Variants in SLC24A2 observed in about 807,000 individuals in gnomAD.
SLC24A2 encodes sodium/potassium/calcium exchanger 2.
A neutral mutation model predicts 62.0 loss-of-function variants in SLC24A2; 36 were observed. The ratio of observed to expected loss-of-function variants is 0.58; its 90% confidence interval spans 0.44 to 0.77. The LOEUF is 0.77. SLC24A2 is among the 30% of genes least tolerant of loss of function. The pLI, the probability that SLC24A2 is intolerant of heterozygous loss-of-function variation, is 0.00. For synonymous variants in SLC24A2, 358 were observed against 294.0 expected (o/e 1.22, Z -2.23); for missense variants, 846 against 817.9 (o/e 1.03, Z -0.42).
chr9:20,005,045 T>C, the SLC24A2 span, among the ~76,000 whole-genome samples: 11 of 152,316 alleles, frequency 7.2e-5, no homozygotes, highest in East Asian at 1.9e-3. Flanking sequence ...TTACTGGTTG[T>C]CAGCGAAATA....
intron 2 of SLC24A2, among the ~76,000 whole-genome samples, chr9:19,734,380 G>T (rs921947113): frequency 7.9e-5 from 12 of 152,088 alleles, no homozygotes; most frequent in Non-Finnish European, 1.5e-4. Flanking sequence ...CTCTTTTTTG[G>T]TTCCATATGA....
chr9:19,820,069 A>G, the SLC24A2 span, among the ~76,000 whole-genome samples: 10 of 137,728 alleles, frequency 7.3e-5, no homozygotes, highest in Non-Finnish European at 1.1e-4. Context: ...ATATATATAT[A>G]TATATATATA....
chr9:20,265,854 G>C, the SLC24A2 span, among the ~76,000 whole-genome samples: 1 of 152,160 alleles, frequency 6.6e-6, no homozygotes, highest in Non-Finnish European at 1.5e-5. Flanking sequence ...AAGAGAATGA[G>C]TCCCTGAGGG....
At chr9:20,204,742 C>CTTTTT in the SLC24A2 span, among the ~76,000 whole-genome samples, 1 of 132,242 alleles carries the variant, frequency 7.6e-6, no homozygotes, top group African/African-American at 2.9e-5. Context: ...AAAAGTATAA[C>CTTTTT]TTTTTTTTTT....
the SLC24A2 span, among the ~76,000 whole-genome samples, chr9:19,854,228 T>C: frequency 1.3e-5 from 2 of 152,178 alleles, no homozygotes; most frequent in African/African-American, 4.8e-5. Flanking sequence ...TCTATCTATT[T>C]GATTAATTTT....
At chr9:19,700,067 T>C (rs1820310613) in intron 2 of SLC24A2, among the ~76,000 whole-genome samples, 1 of 152,152 alleles carries the variant, frequency 6.6e-6, no homozygotes, top group Non-Finnish European at 1.5e-5. Flanking sequence ...ACAGATGAAG[T>C]TTAAAGACAG....
the SLC24A2 span, among the ~76,000 whole-genome samples, chr9:20,304,478 C>A: frequency 1.3e-5 from 2 of 152,084 alleles, no homozygotes; most frequent in African/African-American, 4.8e-5. Context: ...TAAAAAAAGA[C>A]TTTTAACAGC....
chr9:20,034,451 G>GTTTTT, the SLC24A2 span, among the ~76,000 whole-genome samples: 3 of 83,180 alleles, frequency 3.6e-5, no homozygotes, highest in Non-Finnish European at 6.4e-5. Flanking sequence ...GGCCTTTTAA[G>GTTTTT]TTTTTTTTTT....
At chr9:20,231,879 G>A in the SLC24A2 span, among the ~76,000 whole-genome samples, 1 of 152,086 alleles carries the variant, frequency 6.6e-6, no homozygotes, top group South Asian at 2.1e-4. Context: ...GTTTGTCATA[G>A]ATAGCTCTTA....
the SLC24A2 span, among the ~76,000 whole-genome samples, chr9:20,280,865 G>A: frequency 6.6e-6 from 1 of 152,198 alleles, no homozygotes; most frequent in Non-Finnish European, 1.5e-5. Flanking sequence ...TGCAGACCAT[G>A]CAGCCAGAAT....
chr9:19,595,523 C>T (rs1836681566), intron 5 of SLC24A2, among the ~76,000 whole-genome samples: 1 of 152,126 alleles, frequency 6.6e-6, no homozygotes, highest in Non-Finnish European at 1.5e-5. Context: ...TCAGGGCCAG[C>T]CATGGTTCTC....
At chr9:19,543,821 G>T (rs1293333704) in intron 8 of SLC24A2, among the ~76,000 whole-genome samples, 1 of 152,048 alleles carries the variant, frequency 6.6e-6, no homozygotes, top group African/African-American at 2.4e-5. Context: ...CCATTCTTTT[G>T]CATTTGCTGA....
At chr9:20,063,703 A>G in the SLC24A2 span, among the ~76,000 whole-genome samples, 1 of 152,218 alleles carries the variant, frequency 6.6e-6, no homozygotes, top group Non-Finnish European at 1.5e-5. Context: ...ATAAAGCTCA[A>G]TAGTAGAAAC....
chr9:19,700,433 CT>C (rs1434886469), intron 2 of SLC24A2, among the ~76,000 whole-genome samples: 1 of 152,186 alleles, frequency 6.6e-6, no homozygotes, highest in Non-Finnish European at 1.5e-5. Flanking sequence ...ATATTATTTA[CT>C]TTGTTTTTTT....
the SLC24A2 span, among the ~76,000 whole-genome samples, chr9:20,242,421 AC>A: frequency 6.6e-6 from 1 of 152,198 alleles, no homozygotes; most frequent in East Asian, 1.9e-4. Flanking sequence ...TCAACTGCAA[AC>A]GAGGAAATCC....
At chr9:19,944,855 G>GA in the SLC24A2 span, among the ~76,000 whole-genome samples, 6 of 151,816 alleles carry the variant, frequency 4.0e-5, no homozygotes, top group African/African-American at 1.4e-4. Flanking sequence ...ATAGTTACAG[G>GA]AAAAAAAGGA....
At chr9:19,521,459 A>C (rs1833196423) in intron 9 of SLC24A2, among the ~76,000 whole-genome samples, 1 of 152,184 alleles carries the variant, frequency 6.6e-6, no homozygotes, top group Admixed American at 6.5e-5. Flanking sequence ...TCAACTTACT[A>C]CCAAAACCAA....
chr9:20,021,499 A>C, the SLC24A2 span, among the ~76,000 whole-genome samples: 2 of 152,010 alleles, frequency 1.3e-5, no homozygotes, highest in African/African-American at 4.8e-5. Context: ...CAGGAGAACG[A>C]GTTCTGGATT....
chr9:19,719,337 C>G (rs1820956318), intron 2 of SLC24A2, among the ~76,000 whole-genome samples: 1 of 152,172 alleles, frequency 6.6e-6, no homozygotes. Context: ...AATTTGCTAC[C>G]TGGTTGTAAT....
Sources: allele counts gnomAD v4.1 joint callset (sites outside exome capture counted in the v4.1 genomes callset), GRCh38; gene constraint gnomAD v4.1.1; transcripts MANE v1.5; gene names NCBI Gene and HGNC (gene_info 2026-07-23, HGNC 2026-07-21).